The following APBB1IP variants were observed in gnomAD, a reference collection of about 807,000 sequenced individuals.
APBB1IP encodes the protein amyloid beta precursor protein binding family B member 1 interacting protein, also known as amyloid beta A4 precursor protein-binding family B member 1-interacting protein.
A neutral mutation model predicts 64.9 loss-of-function variants in APBB1IP; 27 were observed. The ratio of observed to expected loss-of-function variants is 0.42; its 90% CI spans 0.31 to 0.57. APBB1IP has a LOEUF of 0.57. Ranked by LOEUF, APBB1IP falls within the 20% of genes least tolerant of loss-of-function variation. APBB1IP has a pLI of 0.20. For missense variants in APBB1IP, 812 were observed against 845.5 expected (o/e 0.96, Z 0.49); for synonymous variants, 392 against 331.0 (o/e 1.18, Z -2.00).
Position 26,492,476 on chromosome 10 carries a change from C to T in APBB1IP, c.72+78C>T, listed in dbSNP as rs1444623219. ...ATTTCATTGTAATATGACAAGGGAG[C>T]TGTCTTTTTTAAAACCCTGATATCG... is the stretch of plus-strand genomic sequence containing the variant. On this transcript the variant is annotated intron_variant, in intron 3 of 14. Coordinates refer to ENST00000376236, the MANE Select transcript of APBB1IP (RefSeq NM_019043.4). 4.2e-5 allele frequency: 57 copies of T among 1,364,064 alleles called. No homozygotes were observed. In the South Asian group the frequency reaches 4.2e-4, roughly 10 times the overall value. The allele number at this position is 1,364,064 out of a possible 1,614,324, so 84.5% of individuals were successfully genotyped here.
chr10:26,544,179 G>T (rs926944263), intron 11 of APBB1IP, among the ~76,000 whole-genome samples: 3 of 152,156 alleles, frequency 2.0e-5, no homozygotes, highest in African/African-American at 7.2e-5. Context: ...AATGCCACCT[G>T]CCCTTGAGTC....
At chr10:26,540,400 T>C (rs1836682547) in intron 10 of APBB1IP, among the ~76,000 whole-genome samples, 1 of 152,074 alleles carries the variant, frequency 6.6e-6, no homozygotes, top group Non-Finnish European at 1.5e-5. Flanking sequence ...CGTCATGGGA[T>C]AGAACAGAAT....
In APBB1IP at chr10:26,511,854, T is replaced by C. The variant is rs752675643; in HGVS notation, c.639T>C (p.Cys213=). 2.5e-6 allele frequency: 4 copies of C among 1,614,134 alleles called. No homozygotes were observed. The highest frequency in any genetic ancestry group is 3.4e-6 in the Non-Finnish European group (4 of 1,180,054). ...ACAACCTTTTCGAGAAAACTCATTG[T>C]GACTGCAATGTAGACTGGTGTCTTT... is the stretch of plus-strand genomic sequence containing the variant. ...VLDNLFEKTH[C]DCNVDWCLYE... is the part of the protein sequence containing the mutation. The change falls in exon 7 of 15, where the codon TGT becomes TGC. Residue 213 remains cysteine (C), a synonymous_variant. Coordinates refer to ENST00000376236, the MANE Select transcript of APBB1IP (RefSeq NM_019043.4).
chr10:26,464,333 CA>C (rs761669505), intron 2 of APBB1IP, among the ~76,000 whole-genome samples: 9 of 152,164 alleles, frequency 5.9e-5, no homozygotes, highest in Non-Finnish European at 1.3e-4. Context: ...CACCTATATG[CA>C]AACACCGCTA....
At chr10:26,526,167 AAC>A (rs1836470721) in intron 8 of APBB1IP, among the ~76,000 whole-genome samples, 1 of 152,192 alleles carries the variant, frequency 6.6e-6, no homozygotes, top group Admixed American at 6.5e-5. Flanking sequence ...ACTGAGTATG[AAC>A]ATGGAAAATC....
At chr10:26,518,189 G>A (rs192268672) in intron 8 of APBB1IP, among the ~76,000 whole-genome samples, 15 of 149,876 alleles carry the variant, frequency 1.0e-4, no homozygotes, top group African/African-American at 3.7e-4. Context: ...TCCACCTCAT[G>A]TGATCTGCCT....
intron 2 of APBB1IP, among the ~76,000 whole-genome samples, chr10:26,453,398 C>T (rs1835486307): frequency 6.6e-6 from 1 of 152,124 alleles, no homozygotes; most frequent in Non-Finnish European, 1.5e-5. Flanking sequence ...GAGATATTTG[C>T]TCTGAGCTGG....
At position 26,492,378 on chromosome 10, in the gene APBB1IP, G is replaced by C; in HGVS notation, c.52G>C (p.Glu18Gln). 1 of 1,614,026 alleles carries C rather than the reference G, an allele frequency of 6.2e-7. No individual in the cohort carries two copies. Among genetic ancestry groups the C allele is most frequent in the Non-Finnish European group, 8.5e-7 (1 of 1,179,950 alleles). The change falls in exon 3 of 15, where the codon GAG (glutamate) becomes CAG (glutamine). Residue 18 changes from glutamate (E) to glutamine (Q), a missense_variant. Around this residue, in one of 3 missense-constraint regions of APBB1IP, gnomAD observed 394 missense variants for 413.1 expected, o/e 0.95. Transcript: ENST00000376236. ...CCAAATGTTCAGCACTTTGCTGGGA[G>C]AGATGGATCTTCTGACTCAGGTAAA... The part of the protein sequence containing the change: ...IDQMFSTLLG[E>Q]MDLLTQSLGV...
rs573921540 is a variant in APBB1IP, at chr10:26,499,759, A to C, written c.161-1060A>C. On this transcript the variant is annotated intron_variant, in intron 4 of 14. Coordinates refer to ENST00000376236, the MANE Select transcript of APBB1IP (RefSeq NM_019043.4). Reference sequence around the variant, plus strand: ...CTCACACCTGGAAGAAATCCTAAGGAGATCTCTCCTCCCTCCCTCTCACTC... The same window carrying C: ...CTCACACCTGGAAGAAATCCTAAGGCGATCTCTCCTCCCTCCCTCTCACTC... 6.6e-5 allele frequency among the ~76,000 whole-genome samples: 10 copies of C among 152,310 alleles called. No homozygotes were observed. In the South Asian group the frequency reaches 2.1e-3, roughly 32 times the overall value.
In APBB1IP at chr10:26,467,257, T is replaced by C. The variant is rs560883827; in HGVS notation, c.1-25070T>C. Among the ~76,000 whole-genome samples, 89 of 152,290 alleles carry C rather than the reference T, an allele frequency of 5.8e-4. 1 individual carries two copies. The South Asian group carries it at 0.017, about 28-fold the overall frequency. Reference sequence around the variant, plus strand: ...TAGAAGTATGAGGGATGCTGTTTTTTCCTCATGCTTGACATGAAGCAAAAG... The same window carrying C: ...TAGAAGTATGAGGGATGCTGTTTTTCCCTCATGCTTGACATGAAGCAAAAG... On this transcript the variant is annotated intron_variant, in intron 2 of 14. Coordinates refer to ENST00000376236, the MANE Select transcript of APBB1IP (RefSeq NM_019043.4).
intron 10 of APBB1IP, among the ~76,000 whole-genome samples, chr10:26,540,142 A>G (rs1173425830): frequency 6.6e-6 from 1 of 152,256 alleles, no homozygotes; most frequent in Non-Finnish European, 1.5e-5. Flanking sequence ...ATAGCTAAAT[A>G]TTGAAATAAC....
At chr10:26,554,637 G>A (rs1836872349) in intron 11 of APBB1IP, among the ~76,000 whole-genome samples, 1 of 152,096 alleles carries the variant, frequency 6.6e-6, no homozygotes, top group Non-Finnish European at 1.5e-5. Flanking sequence ...GGCTGAGTGT[G>A]GTGGTATGAT....
At chr10:26,522,705 A>G (rs1836418109) in intron 8 of APBB1IP, among the ~76,000 whole-genome samples, 1 of 152,108 alleles carries the variant, frequency 6.6e-6, no homozygotes, top group African/African-American at 2.4e-5. Flanking sequence ...AAATGTTGAT[A>G]TTAATTAAAT....
At chr10:26,529,987 C>A (rs1229851206) in intron 8 of APBB1IP, among the ~76,000 whole-genome samples, 5 of 152,108 alleles carry the variant, frequency 3.3e-5, no homozygotes. Context: ...GTTCATCATA[C>A]GTGATTCAAA....
chr10:26,561,173 G>A (rs548677918), intron 13 of APBB1IP, among the ~76,000 whole-genome samples: 102 of 131,390 alleles, frequency 7.8e-4, no homozygotes, highest in Non-Finnish European at 1.3e-3. Flanking sequence ...GGTTCACACC[G>A]TTCTCCTGCC....
chr10:26,483,364 G>T (rs1835858364), intron 2 of APBB1IP, among the ~76,000 whole-genome samples: 1 of 152,130 alleles, frequency 6.6e-6, no homozygotes, highest in African/African-American at 2.4e-5. Context: ...CATCTAAGAT[G>T]AATATAAAAG....
intron 2 of APBB1IP, among the ~76,000 whole-genome samples, chr10:26,481,971 G>A (rs568251292): frequency 4.6e-5 from 7 of 151,910 alleles, no homozygotes; most frequent in African/African-American, 1.7e-4. Context: ...TATTTAAAAT[G>A]TTATTTACAG....
intron 8 of APBB1IP, among the ~76,000 whole-genome samples, chr10:26,524,404 G>GA (rs35057241): frequency 1.4e-4 from 21 of 150,294 alleles, no homozygotes; most frequent in Admixed American, 2.7e-4. Flanking sequence ...GATTGATGAT[G>GA]AAAAAAAAAC....
At chr10:26,557,765 A>G (rs886809650) in intron 11 of APBB1IP, among the ~76,000 whole-genome samples, 2 of 152,190 alleles carry the variant, frequency 1.3e-5, no homozygotes, top group Non-Finnish European at 2.9e-5. Context: ...ACAATCCCAC[A>G]CGCTCTTGCT....
Sources: gnomAD v4.1 joint callset for allele counts (sites outside exome capture counted in the v4.1 genomes callset) on GRCh38, gnomAD v4.1.1 for gene constraint, gnomAD v4.1.1 regional missense constraint, MANE v1.5 for transcripts, NCBI Gene and HGNC (gene_info 2026-07-23, HGNC 2026-07-21) for gene names.